KCNB2: variants seen among roughly 807,000 people sequenced by gnomAD.
KCNB2 encodes potassium voltage-gated channel subfamily B member 2.
A neutral mutation model predicts 61.5 loss-of-function variants in KCNB2; 15 were observed. That is an observed-to-expected ratio of 0.24 (90% CI 0.16 to 0.38). The LOEUF (loss-of-function observed/expected upper bound fraction) is 0.38. Ranked by LOEUF, KCNB2 falls within the 10% of genes least tolerant of loss-of-function variation. The pLI is 1.00. For synonymous variants in KCNB2, 457 were observed against 446.0 expected (o/e 1.02, Z -0.31); for missense variants, 828 against 1,125.2 (o/e 0.74, Z 3.78).
At chr8:72,769,486 G>A (rs915086347) in intron 2 of KCNB2, among the ~76,000 whole-genome samples, 2 of 152,180 alleles carry the variant, frequency 1.3e-5, no homozygotes, top group African/African-American at 4.8e-5. Context: ...CATATTAGTA[G>A]TCCAGTGATT....
chr8:72,645,251 C>G (rs976232807), intron 2 of KCNB2, among the ~76,000 whole-genome samples: 2 of 151,774 alleles, frequency 1.3e-5, no homozygotes, highest in African/African-American at 4.8e-5. Context: ...CAGGAGATGG[C>G]ATTTTATGGC....
chr8:72,802,906 T>C (rs1372753819), intron 2 of KCNB2, among the ~76,000 whole-genome samples: 5 of 152,204 alleles, frequency 3.3e-5, no homozygotes, highest in African/African-American at 1.2e-4. Flanking sequence ...CTTCACTCTT[T>C]TGATGAATGC....
intron 1 of KCNB2, among the ~76,000 whole-genome samples, chr8:72,546,518 A>C (rs1357230154): frequency 7.2e-6 from 1 of 138,260 alleles, no homozygotes; most frequent in African/African-American, 3.1e-5. Flanking sequence ...CTCTGTGTCA[A>C]AAAAAAAAAA....
chr8:72,676,158 A>G (rs979099583), intron 2 of KCNB2, among the ~76,000 whole-genome samples: 5 of 152,138 alleles, frequency 3.3e-5, no homozygotes, highest in South Asian at 4.2e-4. Context: ...TAGAGGTGCA[A>G]ATTTTGAGGA....
At chr8:72,691,594 A>G (rs1806941504) in intron 2 of KCNB2, among the ~76,000 whole-genome samples, 1 of 152,216 alleles carries the variant, frequency 6.6e-6, no homozygotes, top group Non-Finnish European at 1.5e-5. Context: ...GCAACTTACT[A>G]AAAATTTGAT....
rs1000680213 is a variant in KCNB2 at position 72,702,431 on chromosome 8, T to C, written c.579+134118T>C. Among the ~76,000 whole-genome samples, 7 of 152,176 alleles carry C rather than the reference T, an allele frequency of 4.6e-5. No individual in the cohort carries two copies. The East Asian group carries it at 1.3e-3, about 29-fold the overall frequency. ...AGTCTGTACCAGTATCCTAAAATTATAAACATGCTCTATAGGTGGCCTGGT... is the reference window on the plus strand; with the variant it reads ...AGTCTGTACCAGTATCCTAAAATTACAAACATGCTCTATAGGTGGCCTGGT... On this transcript the variant is annotated intron_variant, in intron 2 of 2. Transcript: ENST00000523207.
chr8:72,930,629 T>C (rs1806760056), intron 2 of KCNB2, among the ~76,000 whole-genome samples: 1 of 152,152 alleles, frequency 6.6e-6, no homozygotes, highest in Non-Finnish European at 1.5e-5. Flanking sequence ...CCTTCACCCA[T>C]TTGTTGATGG....
At chr8:72,649,540 T>C (rs1176378964) in intron 2 of KCNB2, among the ~76,000 whole-genome samples, 1 of 152,176 alleles carries the variant, frequency 6.6e-6, no homozygotes, top group African/African-American at 2.4e-5. Flanking sequence ...TTCAGTATCA[T>C]GCAATATACT....
chr8:72,606,536 A>G (rs7009127), intron 2 of KCNB2, among the ~76,000 whole-genome samples: 4,170 of 152,290 alleles, frequency 0.027, 205 homozygotes, highest in African/African-American at 0.096. Flanking sequence ...TTTCACCATC[A>G]GAAACAAACA....
At chr8:72,841,857 C>T (rs1585924864) in intron 2 of KCNB2, among the ~76,000 whole-genome samples, 2 of 152,308 alleles carry the variant, frequency 1.3e-5, no homozygotes, top group South Asian at 4.1e-4. Context: ...TCTCAATATA[C>T]AATCATGTCA....
intron 2 of KCNB2, among the ~76,000 whole-genome samples, chr8:72,923,039 G>A (rs1321531304): frequency 1.5e-4 from 23 of 151,774 alleles, no homozygotes; most frequent in Admixed American, 1.5e-3. Context: ...GGTGGGGGGA[G>A]CTTCCAGGTC....
intron 2 of KCNB2, among the ~76,000 whole-genome samples, chr8:72,817,734 T>C (rs1405616348): frequency 6.6e-6 from 1 of 152,164 alleles, no homozygotes; most frequent in Non-Finnish European, 1.5e-5. Flanking sequence ...CTGGATTTAT[T>C]GTTAGCAATT....
At chr8:72,729,461 A>G (rs116290145) in intron 2 of KCNB2, among the ~76,000 whole-genome samples, 34 of 152,328 alleles carry the variant, frequency 2.2e-4, no homozygotes, top group African/African-American at 7.5e-4. Context: ...AAATTGTCAC[A>G]TGTGAAGTTT....
chr8:72,916,426 G>T (rs1563423261), intron 2 of KCNB2, among the ~76,000 whole-genome samples: 2 of 152,124 alleles, frequency 1.3e-5, no homozygotes, highest in Non-Finnish European at 2.9e-5. Context: ...CAGGTGAGAG[G>T]AGCCAGGGTG....
intron 2 of KCNB2, among the ~76,000 whole-genome samples, chr8:72,676,886 T>C (rs181554465): frequency 6.6e-6 from 1 of 152,246 alleles, no homozygotes; most frequent in Admixed American, 6.5e-5. Flanking sequence ...TTCCACTTTA[T>C]ATTGGATCCT....
intron 2 of KCNB2, among the ~76,000 whole-genome samples, chr8:72,718,950 A>C (rs1231335190): frequency 6.6e-6 from 1 of 152,138 alleles, no homozygotes; most frequent in African/African-American, 2.4e-5. Flanking sequence ...TTTTTCCCCC[A>C]CCTTTTGGTA....
intron 2 of KCNB2, among the ~76,000 whole-genome samples, chr8:72,915,759 A>G (rs1181381935): frequency 6.6e-6 from 1 of 151,950 alleles, no homozygotes; most frequent in Non-Finnish European, 1.5e-5. Context: ...CTCTCTTAAA[A>G]ATACAAAAAA....
intron 2 of KCNB2, among the ~76,000 whole-genome samples, chr8:72,610,802 C>T (rs1204339227): frequency 2.6e-5 from 4 of 152,026 alleles, no homozygotes; most frequent in African/African-American, 7.2e-5. Flanking sequence ...AAGTGGTTTA[C>T]GTAACATACA....
chr8:72,577,321 G>A (rs1199580504), intron 2 of KCNB2, among the ~76,000 whole-genome samples: 2 of 151,594 alleles, frequency 1.3e-5, no homozygotes, highest in African/African-American at 4.8e-5. Flanking sequence ...GTGTGTGTGT[G>A]AGAAAGAGAT....
Sources: gnomAD v4.1 joint callset for allele counts (sites outside exome capture counted in the v4.1 genomes callset) on GRCh38, gnomAD v4.1.1 for gene constraint, MANE v1.5 for transcripts, NCBI Gene and HGNC (gene_info 2026-07-23, HGNC 2026-07-21) for gene names.